Variants in UBE3C observed in about 807,000 individuals in gnomAD.
UBE3C encodes the protein ubiquitin protein ligase E3C.
UBE3C carries 42 observed loss-of-function variants against 129.4 expected under a neutral mutation model. The observed-to-expected ratio is 0.32, with a 90% confidence interval of 0.25 to 0.42. UBE3C has a LOEUF of 0.42. UBE3C is among the 10% of genes least tolerant of loss of function. UBE3C has a pLI of 1.00. For synonymous variants in UBE3C, 510 were observed against 492.4 expected, an observed-to-expected ratio of 1.04 and a Z score of -0.47; for missense variants, 1,049 against 1,319.1, an observed-to-expected ratio of 0.80 and a Z score of 3.17.
chr7:157,167,858 G>A (rs1277958737), intron 2 of UBE3C, among the ~76,000 whole-genome samples: 1 of 152,096 alleles, frequency 6.6e-6, no homozygotes, highest in Non-Finnish European at 1.5e-5. Flanking sequence ...CATAGGGCTG[G>A]CACATAGTAG....
intron 14 of UBE3C, among the ~76,000 whole-genome samples, chr7:157,219,229 T>A (rs1795668670): frequency 6.6e-6 from 1 of 152,186 alleles, no homozygotes; most frequent in Non-Finnish European, 1.5e-5. Context: ...CACCTCTTCC[T>A]TACTCCAGAA....
intron 22 of UBE3C, among the ~76,000 whole-genome samples, chr7:157,258,288 T>A (rs1402748006): frequency 6.6e-6 from 1 of 151,848 alleles, no homozygotes; most frequent in Non-Finnish European, 1.5e-5. Context: ...TCAGAAAGAG[T>A]TCCTGCACAC....
chr7:157,140,077 C>G (rs1228616759), intron 1 of UBE3C: 1 of 977,794 alleles, frequency 1.0e-6, no homozygotes, highest in Non-Finnish European at 1.2e-6. Context: ...TCTAGAATTT[C>G]TAGCTGTCTG....
chr7:157,141,333 G>C (rs1469630228), intron 1 of UBE3C, among the ~76,000 whole-genome samples: 1 of 152,154 alleles, frequency 6.6e-6, no homozygotes, highest in Non-Finnish European at 1.5e-5. Flanking sequence ...CATTCCAGAG[G>C]CTCCCCTGCA....
chr7:157,261,015 T>G (rs1372902390), intron 22 of UBE3C, among the ~76,000 whole-genome samples: 1 of 151,980 alleles, frequency 6.6e-6, no homozygotes, highest in East Asian at 1.9e-4. Context: ...AAATCCCAAA[T>G]AGACTGGCCA....
chr7:157,192,588 G>C (rs1809000196), intron 10 of UBE3C: 3 of 765,334 alleles, frequency 3.9e-6, no homozygotes, highest in African/African-American at 3.4e-5. Flanking sequence ...GAGACTTCGT[G>C]GTGGTGCTAA....
At chr7:157,194,708 G>T (rs1400505640) in intron 10 of UBE3C, among the ~76,000 whole-genome samples, 1 of 152,136 alleles carries the variant, frequency 6.6e-6, no homozygotes, top group African/African-American at 2.4e-5. Context: ...ATAGACTGTT[G>T]GTAGAAAATG....
intron 10 of UBE3C, among the ~76,000 whole-genome samples, chr7:157,190,268 G>T (rs1326849003): frequency 6.6e-6 from 1 of 151,966 alleles, no homozygotes; most frequent in Non-Finnish European, 1.5e-5. Flanking sequence ...CCTCTCCTCT[G>T]TCCCCTCCCA....
chr7:157,176,979 TC>T (rs972125874), intron 5 of UBE3C, among the ~76,000 whole-genome samples: 2 of 152,252 alleles, frequency 1.3e-5, no homozygotes, highest in African/African-American at 4.8e-5. Flanking sequence ...AATGTGGCCT[TC>T]CAGAACCACC....
chr7:157,176,948 T>C lies in UBE3C; in HGVS notation c.459-1742T>C, dbSNP rs559603869. On this transcript the variant is annotated intron_variant, in intron 5 of 22. Transcript: ENST00000348165. ...GTCTTATCTGCCACGTGCCAGAACATTGAATTTTTCTTTTTCTGTAAATGT... is the reference window on the plus strand; with the variant it reads ...GTCTTATCTGCCACGTGCCAGAACACTGAATTTTTCTTTTTCTGTAAATGT... Among the ~76,000 whole-genome samples, 13 of 152,328 alleles carry C rather than the reference T, an allele frequency of 8.5e-5. No homozygotes were observed. In the South Asian group the frequency reaches 2.7e-3, roughly 32 times the overall value.
chr7:157,170,576 T>C, intron 4 of UBE3C, 126 bp downstream of exon 4: 1 of 1,042,932 alleles, frequency 9.6e-7, no homozygotes, highest in African/African-American at 1.7e-5. Context: ...TGCAAACTTC[T>C]CAGCTAGCTG....
chr7:157,257,776 C>T (rs1432866230), intron 22 of UBE3C, among the ~76,000 whole-genome samples: 3 of 144,866 alleles, frequency 2.1e-5, no homozygotes, highest in Admixed American at 7.0e-5. Flanking sequence ...GCCTCAGGAA[C>T]GTCTAATCAT....
In UBE3C at chr7:157,214,962, T is replaced by C. The variant is rs1363747443; in HGVS notation, c.1810-1905T>C. ...GCAGCTAAGCCCCTGAGCAACACCATAGAGTCAAGGGTCAAGGAATAGCTG... is the reference window on the plus strand; with the variant it reads ...GCAGCTAAGCCCCTGAGCAACACCACAGAGTCAAGGGTCAAGGAATAGCTG... On this transcript the variant is annotated intron_variant, in intron 13 of 22. Transcript: ENST00000348165. Among the ~76,000 whole-genome samples the C allele has an allele frequency of 5.3e-5, 8 of 152,184 alleles. No homozygotes were observed. The South Asian group carries it at 1.4e-3, about 28-fold the overall frequency.
rs760832260 is a variant in UBE3C at position 157,182,207 on chromosome 7, C to T, written c.870C>T (p.Thr290=). Residue 290 remains threonine, a synonymous_variant, in exon 8 of 23, where the codon ACC becomes ACT. Transcript: ENST00000348165. ...FIIPALADAQ[T]VFPYEPFLNA... ...TTCCGGCGCTTGCAGATGCGCAGAC[C>T]GTTTTCCCTTACGAGCCCTTTCTGA... 6 of 1,614,084 alleles carry T rather than the reference C, an allele frequency of 3.7e-6. No homozygotes were observed. Among genetic ancestry groups the T allele is most frequent in the Admixed American group, 1.7e-5 (1 of 60,002 alleles).
chr7:157,204,398 C>CAAAAAAAAAAAA (rs35298527), intron 11 of UBE3C, among the ~76,000 whole-genome samples: 1,900 of 85,692 alleles, frequency 0.022, 67 homozygotes, highest in East Asian at 0.085. Context: ...AACTTTGTTT[C>CAAAAAAAAAAAA]AAAAAAAAAA....
intron 22 of UBE3C, among the ~76,000 whole-genome samples, chr7:157,259,570 C>G (rs1796843374): frequency 6.6e-6 from 1 of 152,186 alleles, no homozygotes; most frequent in African/African-American, 2.4e-5. Flanking sequence ...ATGATATCTA[C>G]TACACTGTGT....
intron 18 of UBE3C, among the ~76,000 whole-genome samples, chr7:157,242,284 G>C (rs938334113): frequency 6.6e-6 from 1 of 152,184 alleles, no homozygotes; most frequent in African/African-American, 2.4e-5. Context: ...ATAGTGATTA[G>C]AGCATGAGCT....
At chr7:157,178,945 G>A in intron 6 of UBE3C, 98 bp downstream of exon 6, 3 of 1,463,162 alleles carry the variant, frequency 2.1e-6, no homozygotes, top group South Asian at 1.3e-5. Context: ...CAGTCTCAAT[G>A]TCAGAGCGGT....
At chr7:157,234,221 T>C (rs1434051716) in intron 18 of UBE3C, among the ~76,000 whole-genome samples, 2 of 152,228 alleles carry the variant, frequency 1.3e-5, no homozygotes, top group African/African-American at 4.8e-5. Context: ...CTTTTATTGC[T>C]TGTTTTTGAT....
Sources: gnomAD v4.1 joint callset for allele counts (sites outside exome capture counted in the v4.1 genomes callset) on GRCh38, gnomAD v4.1.1 for gene constraint, MANE v1.5 for transcripts, NCBI Gene and HGNC (gene_info 2026-07-23, HGNC 2026-07-21) for gene names.